Variants in PHACTR2 observed in about 807,000 individuals in gnomAD.
PHACTR2 encodes chromosome 6 open reading frame 56.
A neutral mutation model predicts 76.0 loss-of-function variants in PHACTR2; 30 were observed. The ratio of observed to expected loss-of-function variants is 0.39; its 90% CI spans 0.30 to 0.54. The LOEUF (loss-of-function observed/expected upper bound fraction) is 0.54. Ranked by LOEUF, PHACTR2 falls within the 20% of genes least tolerant of loss-of-function variation. The probability of loss-of-function intolerance (pLI) is 0.61; values close to 1 mark genes in which losing one functional copy is unlikely to be tolerated. For synonymous variants in PHACTR2, 292 were observed against 292.5 expected (o/e 1.00, Z 0.02); for missense variants, 696 against 781.1 (o/e 0.89, Z 1.30).
rs1044424709 is a variant in PHACTR2, at chr6:143,641,905, AT to A, written c.13+33589del. Among the ~76,000 whole-genome samples the A allele has an allele frequency of 6.6e-6, 1 of 152,062 alleles. No homozygotes were observed. Among genetic ancestry groups the A allele is most frequent in the Non-Finnish European group, 1.5e-5 (1 of 68,028 alleles). On this transcript the variant is annotated intron_variant, in intron 1 of 11. Transcript: ENST00000305766. This position sits in a 1 kb window ranked among gnomAD's most constrained non-coding sequence, Gnocchi z 5.8. ...TGAGATGAAATGGAGTTCTATATAC[AT>A]TTTTTCTCTTGTGACACTAAAGAAT...
intron 3 of PHACTR2, among the ~76,000 whole-genome samples, chr6:143,752,499 A>T (rs17521652): frequency 0.3 from 44,917 of 152,024 alleles, 7,735 homozygotes; most frequent in South Asian, 0.38. Context: ...ATTTACTTGT[A>T]ATGGCATTGC....
intron 1 of PHACTR2, among the ~76,000 whole-genome samples, chr6:143,540,280 A>G (rs1302713493): frequency 6.6e-6 from 1 of 152,188 alleles, no homozygotes; most frequent in Non-Finnish European, 1.5e-5. Context: ...TTGCAGTGAC[A>G]GTGACCTGAA....
intron 12 of PHACTR2, among the ~76,000 whole-genome samples, chr6:143,812,783 C>T (rs966400512): frequency 7.9e-5 from 12 of 152,272 alleles, no homozygotes; most frequent in East Asian, 1.9e-4. Context: ...CCAAAAAGTC[C>T]ATTTGAGGGT....
chr6:143,766,454 G>A (rs1022990300), intron 6 of PHACTR2, among the ~76,000 whole-genome samples: 8 of 152,206 alleles, frequency 5.3e-5, no homozygotes, highest in African/African-American at 1.9e-4. Context: ...GATGCTCATT[G>A]AATTGTTGAA....
At chr6:143,732,547 A>G (rs73579897) in intron 2 of PHACTR2, among the ~76,000 whole-genome samples, 10,259 of 152,140 alleles carry the variant, frequency 0.067, 1,156 homozygotes, top group African/African-American at 0.23. Flanking sequence ...GTTTCTTTCT[A>G]TTGGCGGCTA....
rs894671196 is a variant in PHACTR2 at position 143,784,804 on chromosome 6, G to A, written c.1707+1524G>A. On this transcript the variant is annotated intron_variant, in intron 10 of 12. Coordinates refer to ENST00000440869, the MANE Select transcript of PHACTR2 (RefSeq NM_001100164.2). This position sits in a 1 kb window ranked among gnomAD's most constrained non-coding sequence, Gnocchi z 4.5. ...TGGCGGCAAAAGAAAATGAGGAGGG[G>A]AAGCAAAACTGGAAACCCCTGATAA... Among the ~76,000 whole-genome samples the A allele has an allele frequency of 2.6e-5, 4 of 152,136 alleles. No individual in the cohort carries two copies. The highest frequency in any genetic ancestry group is 5.9e-5 in the Non-Finnish European group (4 of 68,022).
rs1412990128 is a variant in PHACTR2 at position 143,554,833 on chromosome 6, A to G, written c.217+17626A>G. The G allele has an allele frequency of 6.6e-6, 1 of 151,400 alleles. No homozygotes were observed. Among genetic ancestry groups the G allele is most frequent in the Admixed American group, 6.6e-5 (1 of 15,214 alleles). 9.4% of individuals were successfully genotyped at this position (151,400 alleles called of 1,614,324 possible). ...TAGGAAATATTTTATATTATTAGCC[A>G]TTTGCATTTTCTTTCTCTGTGGTCT... is the stretch of plus-strand genomic sequence containing the variant. On this transcript the variant is annotated intron_variant, in intron 1 of 11. Coordinates refer to the PHACTR2 transcript ENST00000367584. This position sits in a 1 kb window ranked among gnomAD's most constrained non-coding sequence, Gnocchi z 5.9.
chr6:143,675,158 C>T (rs184631823), upstream of PHACTR2, among the ~76,000 whole-genome samples: 5 of 152,300 alleles, frequency 3.3e-5, no homozygotes, highest in African/African-American at 1.2e-4. This position sits in a 1 kb window ranked among gnomAD's most constrained non-coding sequence, Gnocchi z 4.9. Flanking sequence ...AGGGGAAATT[C>T]TATCTCACTA....
intron 1 of PHACTR2, among the ~76,000 whole-genome samples, chr6:143,686,216 T>C (rs543143186): frequency 6.6e-6 from 1 of 151,558 alleles, no homozygotes; most frequent in Admixed American, 6.6e-5. Context: ...AAATAATTAA[T>C]TGCTCATAAA....
At chr6:143,628,726 G>A (rs1776302308) in intron 1 of PHACTR2, among the ~76,000 whole-genome samples, 1 of 151,726 alleles carries the variant, frequency 6.6e-6, no homozygotes, top group Non-Finnish European at 1.5e-5. Context: ...GGGATTAGGA[G>A]GTAGATATCT....
chr6:143,780,932 T>C lies in PHACTR2; in HGVS notation c.1646-2287T>C, dbSNP rs1044876650. On this transcript the variant is annotated intron_variant, in intron 9 of 12. Coordinates refer to ENST00000440869, the MANE Select transcript of PHACTR2 (RefSeq NM_001100164.2). This position sits in a 1 kb window ranked among gnomAD's most constrained non-coding sequence, Gnocchi z 4.4. ...AAAAACTTGGTGTATTTTCAAATAC[T>C]GAGTTTAAGGTTTAAACTTGACTCT... is the stretch of plus-strand genomic sequence containing the variant. Among the ~76,000 whole-genome samples, 3 of 152,272 alleles carry C rather than the reference T, an allele frequency of 2.0e-5. No individual in the cohort carries two copies. The highest frequency in any genetic ancestry group is 7.2e-5 in the African/African-American group (3 of 41,468).
At chr6:143,600,463 T>C (rs1351283252) in intron 1 of PHACTR2, among the ~76,000 whole-genome samples, 2 of 152,264 alleles carry the variant, frequency 1.3e-5, no homozygotes, top group African/African-American at 4.8e-5. Flanking sequence ...TTTTGAGCAT[T>C]GGCCATAATA....
chr6:143,778,316 C>T (rs1775334120), intron 9 of PHACTR2, among the ~76,000 whole-genome samples: 2 of 152,162 alleles, frequency 1.3e-5, no homozygotes, highest in Admixed American at 1.3e-4. Flanking sequence ...ATCTAAGATA[C>T]TTTCTTTCCT....
rs1287609219 is a variant in PHACTR2, at chr6:143,767,367, C to A, written c.1232+1569C>A. 1.3e-5 allele frequency among the ~76,000 whole-genome samples: 2 copies of A among 152,166 alleles called. No homozygotes were observed. The highest frequency in any genetic ancestry group is 2.1e-4 in the South Asian group (1 of 4,816). On this transcript the variant is annotated intron_variant, in intron 6 of 12. Transcript: ENST00000440869. The surrounding 1 kb of genome is among the most constrained non-coding windows in gnomAD (Gnocchi z 4.4). ...ACTGCCATTTCTCTTCTGTTAGTTT[C>A]TTTGGGTTTTTTTAAGTCATTTTGA...
At chr6:143,810,599 G>T (rs1413434173) in intron 12 of PHACTR2, 2 of 449,544 alleles carry the variant, frequency 4.4e-6, no homozygotes, top group African/African-American at 4.0e-5. Context: ...GACCAGCTGA[G>T]GCAGGAGGAT....
At position 143,678,069 on chromosome 6, in the gene PHACTR2, G is replaced by A. The variant is rs1301054918; in HGVS notation, c.-95G>A. ...CGGCGGGCCGCTCGGCACAGGCCGG[G>A]ACATGAACGCCTGGAAGTCTGGCTG... On this transcript the variant is annotated 5_prime_UTR_variant, in exon 1 of 13. Coordinates refer to ENST00000440869, the MANE Select transcript of PHACTR2 (RefSeq NM_001100164.2). The surrounding 1 kb of genome is among the most constrained non-coding windows in gnomAD (Gnocchi z 6.2). 3 of 1,539,822 alleles carry A rather than the reference G, an allele frequency of 1.9e-6. No homozygotes were observed. The highest frequency in any genetic ancestry group is 2.6e-6 in the Non-Finnish European group (3 of 1,142,186).
At chr6:143,785,531 G>A (rs1775535942) in intron 10 of PHACTR2, among the ~76,000 whole-genome samples, 1 of 152,206 alleles carries the variant, frequency 6.6e-6, no homozygotes, top group Non-Finnish European at 1.5e-5. Context: ...CTGGAGGACA[G>A]TGACCCTCTT....
At position 143,765,097 on chromosome 6, in the gene PHACTR2, A is replaced by G. The variant is rs1438884162; in HGVS notation, c.695-164A>G. On this transcript the variant is annotated intron_variant, in intron 5 of 12. Coordinates refer to ENST00000440869, the MANE Select transcript of PHACTR2 (RefSeq NM_001100164.2). The surrounding 1 kb of genome is among the most constrained non-coding windows in gnomAD (Gnocchi z 4.1). ...TGCTGGATTGGAGGAAGGGAGGGGC[A>G]GAAGACAAGACTATTATCATGATTA... Among the ~76,000 whole-genome samples, 3 of 152,230 alleles carry G rather than the reference A, an allele frequency of 2.0e-5. No homozygotes were observed. Among genetic ancestry groups the G allele is most frequent in the African/African-American group, 7.2e-5 (3 of 41,466 alleles).
At chr6:143,756,495 A>G (rs77623534) in intron 4 of PHACTR2, among the ~76,000 whole-genome samples, 2 of 151,700 alleles carry the variant, frequency 1.3e-5, no homozygotes, top group Non-Finnish European at 2.9e-5. Flanking sequence ...GGAGATCGAG[A>G]CCATCCTGGC....
Sources: allele counts gnomAD v4.1 joint callset (sites outside exome capture counted in the v4.1 genomes callset), GRCh38; gene constraint gnomAD v4.1.1; non-coding constraint Gnocchi (gnomAD v3.1); transcripts MANE v1.5; gene names NCBI Gene and HGNC (gene_info 2026-07-23, HGNC 2026-07-21).